Variants in RGS12 observed in about 807,000 individuals in gnomAD.
RGS12 encodes the protein regulator of G-protein signaling 12.
RGS12 carries 66 observed loss-of-function variants against 120.1 expected under a neutral mutation model. The observed-to-expected ratio is 0.55, with a 90% CI of 0.45 to 0.67. The LOEUF (loss-of-function observed/expected upper bound fraction) is 0.67, where lower values mean the gene tolerates loss of function less well. RGS12 is among the 30% of genes least tolerant of loss of function. The probability of loss-of-function intolerance (pLI) is 0.00; values close to 1 mark genes in which losing one functional copy is unlikely to be tolerated. For synonymous variants in RGS12, 827 were observed against 804.7 expected (o/e 1.03, Z -0.47); for missense variants, 1,859 against 1,957.7 (o/e 0.95, Z 0.95).
rs746137949 is a variant in RGS12 at position 3,317,975 on chromosome 4, G to A, written c.1805G>A (p.Trp602Ter). 6.2e-7 allele frequency: 1 copy of A among 1,614,112 alleles called. No individual in the cohort carries two copies. Residue 602 changes from tryptophan (W) to a stop codon, truncating the protein, a stop_gained, in exon 2 of 18, where the codon TGG becomes TAG. Transcript: ENST00000336727. LOFTEE classifies it high-confidence loss of function. ...CCGCTGAATGCCCCGAAGAGGGAGT[G>A]GTCCAGGAAGGCCTTTGGAATGCAA... ...QPPLNAPKREWSRKAFGMQSI... is the reference protein window; with the variant it reads ...QPPLNAPKRE
intron 17 of RGS12, among the ~76,000 whole-genome samples, chr4:3,434,920 C>G (rs977956610): frequency 3.3e-5 from 5 of 152,152 alleles, no homozygotes; most frequent in African/African-American, 1.2e-4. Context: ...TTTGGTAAGG[C>G]TGAGTACCCA....
chr4:3,398,566 A>G (rs1720272122), intron 4 of RGS12, among the ~76,000 whole-genome samples: 1 of 152,254 alleles, frequency 6.6e-6, no homozygotes, highest in Non-Finnish European at 1.5e-5. Context: ...GTGGCATAAC[A>G]ATATTAATAT....
chr4:3,310,739 T>C (rs1578697534), intron 1 of RGS12, among the ~76,000 whole-genome samples: 1 of 139,112 alleles, frequency 7.2e-6, no homozygotes, highest in African/African-American at 2.7e-5. Flanking sequence ...GAGGTGGTGG[T>C]GGGGGGAGGC....
At position 3,428,517 on chromosome 4, in the gene RGS12, A is replaced by T. The variant is rs754263108; in HGVS notation, c.3412-41A>T. 10 of 1,519,454 alleles carry T rather than the reference A, an allele frequency of 6.6e-6. No individual in the cohort carries two copies. The Admixed American group carries it at 1.3e-4, about 19-fold the overall frequency. The allele number at this position is 1,519,454 out of a possible 1,614,324, so 94.1% of individuals were successfully genotyped here. On this transcript the variant is annotated intron_variant, in intron 15 of 17. Transcript: ENST00000336727. Reference sequence around the variant, plus strand: ...ACTAATGAATGATGTATTGTCGTGTATTGAAATGAAAGTAGAACTTTGACT... The same window carrying T: ...ACTAATGAATGATGTATTGTCGTGTTTTGAAATGAAAGTAGAACTTTGACT...
At chr4:3,417,114 TCA>T in intron 8 of RGS12, 22 bp downstream of exon 8, 1 of 1,574,590 alleles carries the variant, frequency 6.4e-7, no homozygotes. Context: ...GAGGCTGGCC[TCA>T]CGCCCCTGTG....
chr4:3,435,132 AG>A lies in RGS12; in HGVS notation c.4114+4179del, dbSNP rs552979152. Among the ~76,000 whole-genome samples, 291 of 152,184 alleles carry A rather than the reference AG, an allele frequency of 1.9e-3. 4 individuals carry two copies. Among genetic ancestry groups the A allele is most frequent in the African/African-American group, 6.9e-3 (286 of 41,526 alleles). ...AGTGTCACAGCTGCCAGTATCCCCT[AG>A]GAACACTTTTGGGCCCAGTGGCTGC... On this transcript the variant is annotated intron_variant, in intron 17 of 17. Coordinates refer to ENST00000336727, the MANE Select transcript of RGS12 (RefSeq NM_001394154.1).
At chr4:3,355,148 A>G (rs1341419473) in intron 3 of RGS12, among the ~76,000 whole-genome samples, 1 of 152,220 alleles carries the variant, frequency 6.6e-6, no homozygotes, top group African/African-American at 2.4e-5. Context: ...TTGAAAATGA[A>G]TCAATTTAAC....
In RGS12 at chr4:3,309,344, G is replaced by T. The variant is rs1395260552; in HGVS notation, c.-101-6726G>T. On this transcript the variant is annotated intron_variant, in intron 1 of 17. Transcript: ENST00000336727. ...CCGGGTGGGAGAGGAGCTGGGATCC[G>T]GGAATGGCAGGTGTCCGCTGAGGGG... 1.2e-4 allele frequency among the ~76,000 whole-genome samples: 17 copies of T among 141,174 alleles called. 1 individual carries two copies. The highest frequency in any genetic ancestry group is 2.1e-4 in the Admixed American group (3 of 14,070). The allele number at this position is 141,174 out of a possible 152,430, so 92.6% of individuals were successfully genotyped here.
At chr4:3,381,268 G>A (rs756025213) in intron 3 of RGS12, among the ~76,000 whole-genome samples, 5 of 152,166 alleles carry the variant, frequency 3.3e-5, no homozygotes, top group Non-Finnish European at 7.4e-5. Context: ...CAGATCTCTA[G>A]GAAGTTCAAA....
At chr4:3,361,326 A>T (rs555775315) in intron 3 of RGS12, among the ~76,000 whole-genome samples, 2 of 152,236 alleles carry the variant, frequency 1.3e-5, no homozygotes, top group South Asian at 2.1e-4. Context: ...GCTTCACTTC[A>T]TGATAAACCA....
At chr4:3,418,241 C>T (rs1722622372) in intron 9 of RGS12, 2 of 152,344 alleles carry the variant, frequency 1.3e-5, no homozygotes, top group South Asian at 4.1e-4. Flanking sequence ...CTCCAGACAC[C>T]AGCCGGGTGG....
Position 3,420,254 on chromosome 4 carries a change from A to C in RGS12, c.2762-388A>C, listed in dbSNP as rs1722855358. On this transcript the variant is annotated intron_variant, in intron 9 of 17. Transcript: ENST00000336727. Reference sequence around the variant, plus strand: ...GGCCCAGAAACTACATTTGGGGATGAAAGCTCCAGATGGAATGGAGGAAAG... The same window carrying C: ...GGCCCAGAAACTACATTTGGGGATGCAAGCTCCAGATGGAATGGAGGAAAG... The C allele has an allele frequency of 5.2e-5, 14 of 268,784 alleles. 2 individuals carry two copies. In the South Asian group the frequency reaches 5.9e-4, roughly 11 times the overall value. The allele number at this position is 268,784 out of a possible 1,614,324, so 16.6% of individuals were successfully genotyped here. A position where few individuals can be genotyped will look rare whatever the true frequency, so the allele number is the denominator to read the frequency against.
At chr4:3,384,257 C>T (rs1249505290) in intron 3 of RGS12, among the ~76,000 whole-genome samples, 8 of 152,098 alleles carry the variant, frequency 5.3e-5, no homozygotes, top group African/African-American at 1.9e-4. Flanking sequence ...CGGGTTCAAG[C>T]GATTCTCCTG....
chr4:3,317,137 G>A lies in RGS12; in HGVS notation c.967G>A (p.Gly323Arg), dbSNP rs780725638. The A allele has an allele frequency of 2.5e-5, 40 of 1,613,874 alleles. No individual in the cohort carries two copies. Among genetic ancestry groups the A allele is most frequent in the African/African-American group, 1.5e-4 (11 of 74,932 alleles). Residue 323 changes from glycine (G) to arginine (R), a missense_variant, in exon 2 of 18, where the codon GGG (glycine) becomes AGG (arginine). Gly to Arg is a moderately radical substitution (Grantham distance 125). Coordinates refer to ENST00000336727, the MANE Select transcript of RGS12 (RefSeq NM_001394154.1). ...GGTTACCATGCAGACGAATGACGAC[G>A]GGAGCCTGGCCCAGGAGGAGGAGGG... Reference protein sequence around the residue: ...GLVTMQTNDDGSLAQEEEGAL... With the variant: ...GLVTMQTNDDRSLAQEEEGAL...
Position 3,331,981 on chromosome 4 carries a change from C to T in RGS12, c.1882-10956C>T, listed in dbSNP as rs75129253. 1.0e-3 allele frequency among the ~76,000 whole-genome samples: 153 copies of T among 152,306 alleles called. 3 individuals are homozygous for T. The South Asian group carries it at 0.028, about 28-fold the overall frequency. Reference sequence around the variant, plus strand: ...GAGTGCGCTCTCTGGGGAATGGTATCGCAGTGAGGACAGCTTCAGGCCTGT... The same window carrying T: ...GAGTGCGCTCTCTGGGGAATGGTATTGCAGTGAGGACAGCTTCAGGCCTGT... On this transcript the variant is annotated intron_variant, in intron 2 of 17. Transcript: ENST00000336727.
At chr4:3,340,338 G>A (rs1029006154) in intron 2 of RGS12, among the ~76,000 whole-genome samples, 29 of 152,366 alleles carry the variant, frequency 1.9e-4, no homozygotes, top group African/African-American at 6.5e-4. Flanking sequence ...GGCTGACAGC[G>A]GTGTCACTGG....
At chr4:3,330,038 C>T (rs557036973) in intron 2 of RGS12, among the ~76,000 whole-genome samples, 11 of 152,278 alleles carry the variant, frequency 7.2e-5, no homozygotes, top group African/African-American at 1.2e-4. Context: ...CCAAGTACAC[C>T]GCCTGGTTCT....
chr4:3,424,608 G>A (rs1723408371), intron 13 of RGS12, among the ~76,000 whole-genome samples: 1 of 152,210 alleles, frequency 6.6e-6, no homozygotes, highest in Non-Finnish European at 1.5e-5. Flanking sequence ...GGCATGGTTG[G>A]GGGGCACCAG....
intron 3 of RGS12, among the ~76,000 whole-genome samples, chr4:3,377,769 C>G (rs543717462): frequency 6.6e-6 from 1 of 152,192 alleles, no homozygotes; most frequent in South Asian, 2.1e-4. Context: ...GAGTCCTTGT[C>G]AGCTGAGCTG....
Sources: allele counts gnomAD v4.1 joint callset (sites outside exome capture counted in the v4.1 genomes callset), GRCh38; gene constraint gnomAD v4.1.1; transcripts MANE v1.5; gene names NCBI Gene and HGNC (gene_info 2026-07-23, HGNC 2026-07-21).